The following PRDM10 variants were observed in gnomAD, a reference collection of about 807,000 sequenced individuals.
PRDM10 encodes PR/SET domain 10, also known as PR domain zinc finger protein 10.
In PRDM10, 65 loss-of-function variants were observed where a neutral mutation model predicts 133.1. That is an observed-to-expected ratio of 0.49 (90% CI 0.40 to 0.60). The LOEUF (loss-of-function observed/expected upper bound fraction) is 0.60, where lower values mean the gene tolerates loss of function less well. Among genes scored for constraint, PRDM10 ranks in the 20% least tolerant of loss-of-function variants. The pLI, the probability that PRDM10 is intolerant of heterozygous loss-of-function variation, is 0.00. For missense variants in PRDM10, 1,137 were observed against 1,507.1 expected, an observed-to-expected ratio of 0.75 and a Z score of 4.07; for synonymous variants, 582 against 580.4, an observed-to-expected ratio of 1.00 and a Z score of -0.04.
At chr11:129,959,646 T>C (rs1951758330) in intron 2 of PRDM10, among the ~76,000 whole-genome samples, 1 of 152,194 alleles carries the variant, frequency 6.6e-6, no homozygotes, top group African/African-American at 2.4e-5. Flanking sequence ...ATTTTATTTA[T>C]AAATAAGATA....
Position 129,910,665 on chromosome 11 carries a change from A to G in PRDM10, c.2983-9T>C. On this transcript the variant is annotated splice_polypyrimidine_tract_variant and intron_variant, in intron 18 of 20. Transcript: ENST00000360871. Reference sequence around the variant, plus strand: ...AACGGCTGCCCAGATACCTGGGGAGAAAGAGAAAGCAATGGTAGGGAATTA... The same window carrying G: ...AACGGCTGCCCAGATACCTGGGGAGGAAGAGAAAGCAATGGTAGGGAATTA... 2 of 1,544,482 alleles carry G rather than the reference A, an allele frequency of 1.3e-6. No individual in the cohort carries two copies. Among genetic ancestry groups the G allele is most frequent in the Non-Finnish European group, 1.7e-6 (2 of 1,145,906 alleles).
rs57429782 is a variant in PRDM10 at position 129,923,643 on chromosome 11, TGAGAGAGAGAGAGAGAGAGAGAGAGAGA to T, written c.1879-268_1879-241del. Among the ~76,000 whole-genome samples the T allele has an allele frequency of 1.5e-5, 1 of 65,864 alleles. No individual in the cohort carries two copies. The highest frequency in any genetic ancestry group is 2.1e-4 in the Admixed American group (1 of 4,772). 43.2% of individuals were successfully genotyped at this position (65,864 alleles called of 152,430 possible). On this transcript the variant is annotated intron_variant, in intron 12 of 20. Coordinates refer to ENST00000360871, the MANE Select transcript of PRDM10 (RefSeq NM_199437.2). The surrounding 1 kb of genome is among the most constrained non-coding windows in gnomAD (Gnocchi z 4.4). Reference sequence around the variant, plus strand: ...CGAACCTCCCCGATGACTTGAAACGTGAGAGAGAGAGAGAGAGAGAGAGAGAGAGAGAGAGAGAGAGAGAGAGAGAGTG... The same window carrying T: ...CGAACCTCCCCGATGACTTGAAACGTGAGAGAGAGAGAGAGAGAGAGAGTG...
At chr11:129,953,771 T>C (rs1050789579) in intron 4 of PRDM10, among the ~76,000 whole-genome samples, 1 of 149,728 alleles carries the variant, frequency 6.7e-6, no homozygotes, top group Non-Finnish European at 1.5e-5. Context: ...CTTTGGGGTA[T>C]TTATCCTAAG....
chr11:129,923,675 A>AGG lies in PRDM10; in HGVS notation c.1879-273_1879-272insCC, dbSNP rs1331493195. ...GAGAGAGAGAGAGAGAGAGAGAGAG[A>AGG]GAGAGAGAGAGAGAGAGAGTGCTTG... On this transcript the variant is annotated intron_variant, in intron 12 of 20. Coordinates refer to ENST00000360871, the MANE Select transcript of PRDM10 (RefSeq NM_199437.2). The surrounding 1 kb of genome is among the most constrained non-coding windows in gnomAD (Gnocchi z 4.4). Among the ~76,000 whole-genome samples the AGG allele has an allele frequency of 1.3e-5, 2 of 151,416 alleles. No homozygotes were observed. Among genetic ancestry groups the AGG allele is most frequent in the Non-Finnish European group, 2.9e-5 (2 of 67,912 alleles).
chr11:130,002,084 C>T (rs972662611), intron 1 of PRDM10, among the ~76,000 whole-genome samples: 35 of 151,366 alleles, frequency 2.3e-4, no homozygotes, highest in African/African-American at 8.4e-4. Context: ...CCCTCCGCCC[C>T]ACGCGCCCGC....
intron 10 of PRDM10, among the ~76,000 whole-genome samples, chr11:129,931,847 C>T (rs1950879078): frequency 2.0e-5 from 3 of 152,192 alleles, no homozygotes; most frequent in African/African-American, 4.8e-5. Flanking sequence ...GGATTACAGG[C>T]ATGAGCCACT....
At chr11:129,905,132 G>A (rs1707619301) in intron 20 of PRDM10, among the ~76,000 whole-genome samples, 1 of 152,142 alleles carries the variant, frequency 6.6e-6, no homozygotes, top group African/African-American at 2.4e-5. Flanking sequence ...GGGAGGTTAA[G>A]GTGGGCGGAT....
In PRDM10 at chr11:129,957,924, G is replaced by A. The variant is rs1270520917; in HGVS notation, c.70-14C>T. The A allele has an allele frequency of 1.2e-6, 2 of 1,601,570 alleles. No individual in the cohort carries two copies. The highest frequency in any genetic ancestry group is 1.3e-5 in the African/African-American group (1 of 74,594). Reference sequence around the variant, plus strand: ...AACAAAGTGCACCTGGCATAAACAGGAGACAAAGAACAAAATCAGTATCAG... The same window carrying A: ...AACAAAGTGCACCTGGCATAAACAGAAGACAAAGAACAAAATCAGTATCAG... On this transcript the variant is annotated splice_polypyrimidine_tract_variant and intron_variant, in intron 2 of 20. Coordinates refer to ENST00000360871, the MANE Select transcript of PRDM10 (RefSeq NM_199437.2).
At position 129,960,904 on chromosome 11, in the gene PRDM10, C is replaced by T; in HGVS notation, c.61G>A (p.Ala21Thr). ...AAAAGACCAGTCTTCACCTGTGCGG[C>T]ATTCTGTTCATGCTCTGCAGATGTC... ...WPTSAEHEQN[A>T]AQVHFVPDTG... The change falls in exon 2 of 21, where the codon GCC (alanine) becomes ACC (threonine). Residue 21 changes from alanine to threonine, a missense_variant. Transcript: ENST00000360871. 6.2e-7 allele frequency: 1 copy of T among 1,614,116 alleles called. No homozygotes were observed. The highest frequency in any genetic ancestry group is 8.5e-7 in the Non-Finnish European group (1 of 1,180,016).
chr11:129,965,881 A>G (rs1397259128), intron 1 of PRDM10, among the ~76,000 whole-genome samples: 1 of 152,112 alleles, frequency 6.6e-6, no homozygotes, highest in Non-Finnish European at 1.5e-5. Context: ...TGAGCTCCCA[A>G]ATCTTCCATG....
chr11:129,932,053 A>C (rs1487348893), intron 10 of PRDM10, 49 bp downstream of exon 10: 2 of 1,583,642 alleles, frequency 1.3e-6, no homozygotes, highest in East Asian at 2.3e-5. Flanking sequence ...GGATCTGGCG[A>C]GTCCTCCACA....
chr11:129,957,991 T>G lies in PRDM10; in HGVS notation c.70-81A>C. ...CAAGCACACCTGGGTTTCTAAAAGATCCCCAATGACAGGAGAATGGGGATG... is the reference window on the plus strand; with the variant it reads ...CAAGCACACCTGGGTTTCTAAAAGAGCCCCAATGACAGGAGAATGGGGATG... On this transcript the variant is annotated intron_variant, in intron 2 of 20. Coordinates refer to ENST00000360871, the MANE Select transcript of PRDM10 (RefSeq NM_199437.2). 3 of 1,455,996 alleles carry G rather than the reference T, an allele frequency of 2.1e-6. No homozygotes were observed. The East Asian group carries it at 6.9e-5, about 33-fold the overall frequency. The allele number at this position is 1,455,996 out of a possible 1,614,324, so 90.2% of individuals were successfully genotyped here. A position where few individuals can be genotyped will look rare whatever the true frequency, so the allele number is the denominator to read the frequency against.
intron 10 of PRDM10, 38 bp downstream of exon 10, chr11:129,932,064 C>T (rs1950886084): frequency 6.3e-7 from 1 of 1,596,664 alleles, no homozygotes. Context: ...GTCCTCCACA[C>T]AAGCACCTAA....
chr11:129,961,942 C>A (rs1309260789), intron 1 of PRDM10, among the ~76,000 whole-genome samples: 1 of 152,096 alleles, frequency 6.6e-6, no homozygotes, highest in Non-Finnish European at 1.5e-5. Context: ...CAAATGCAGG[C>A]TCTTTCCTTG....
At chr11:129,982,498 A>G (rs557585553) in intron 1 of PRDM10, among the ~76,000 whole-genome samples, 1 of 152,250 alleles carries the variant, frequency 6.6e-6, no homozygotes, top group Admixed American at 6.5e-5. Flanking sequence ...AGATACATAT[A>G]CATTCACACA....
intron 1 of PRDM10, among the ~76,000 whole-genome samples, chr11:129,995,763 T>C (rs986631923): frequency 3.3e-5 from 5 of 151,878 alleles, no homozygotes; most frequent in East Asian, 3.9e-4. Context: ...CTGGCCAACA[T>C]GATGAAACCC....
chr11:129,919,174 C>A (rs768899524), intron 13 of PRDM10, among the ~76,000 whole-genome samples: 66 of 152,086 alleles, frequency 4.3e-4, no homozygotes, highest in Non-Finnish European at 6.9e-4. Flanking sequence ...AGTTTGAGAC[C>A]AGCCTGGCCA....
At chr11:129,921,501 A>G (rs181517097) in intron 13 of PRDM10, among the ~76,000 whole-genome samples, 48 of 152,342 alleles carry the variant, frequency 3.2e-4, no homozygotes, top group African/African-American at 1.2e-3. Context: ...GTAGCATCTT[A>G]GAAGTAACAA....
At chr11:129,985,619 C>T (rs2135979709) in intron 1 of PRDM10, among the ~76,000 whole-genome samples, 1 of 151,364 alleles carries the variant, frequency 6.6e-6, no homozygotes, top group South Asian at 2.1e-4. Flanking sequence ...GGGCAAGACC[C>T]TGTCTCTACA....
Sources: allele counts gnomAD v4.1 joint callset (sites outside exome capture counted in the v4.1 genomes callset), GRCh38; gene constraint gnomAD v4.1.1; non-coding constraint Gnocchi (gnomAD v3.1); transcripts MANE v1.5; gene names NCBI Gene and HGNC (gene_info 2026-07-23, HGNC 2026-07-21).